The following ITPR2 variants were observed in gnomAD, a reference collection of about 807,000 sequenced individuals.
ITPR2 encodes the protein inositol 1,4,5-trisphosphate receptor type 2, also known as inositol 1,4,5-trisphosphate-gated calcium channel ITPR2.
In ITPR2, 207 loss-of-function variants were observed where a neutral mutation model predicts 317.1. The ratio of observed to expected loss-of-function variants is 0.65; its 90% CI spans 0.58 to 0.73. The LOEUF is 0.73. ITPR2 is among the 30% of genes least tolerant of loss of function. The pLI is 0.00. For missense variants in ITPR2, 2,613 were observed against 3,284.0 expected (o/e 0.80, Z 4.99); for synonymous variants, 1,156 against 1,149.1 (o/e 1.01, Z -0.12).
intron 45 of ITPR2, among the ~76,000 whole-genome samples, chr12:26,447,842 A>T (rs2136750395): frequency 6.6e-6 from 1 of 152,168 alleles, no homozygotes; most frequent in East Asian, 1.9e-4. Flanking sequence ...AATAGTTTTT[A>T]AAGGGTTTAG....
chr12:26,574,611 CT>C (rs1221636190), intron 34 of ITPR2, among the ~76,000 whole-genome samples: 2 of 152,098 alleles, frequency 1.3e-5, no homozygotes, highest in Non-Finnish European at 2.9e-5. Flanking sequence ...TCAGGCTGTT[CT>C]TGTGTTGCTA....
intron 2 of ITPR2, among the ~76,000 whole-genome samples, chr12:26,733,096 C>G (rs1336509709): frequency 6.6e-6 from 1 of 151,438 alleles, no homozygotes; most frequent in African/African-American, 2.4e-5. Flanking sequence ...CTTTGGGAGG[C>G]TGGGGTCAGG....
chr12:26,421,499 TCTC>T (rs1940888133), intron 49 of ITPR2: 2 of 152,222 alleles, frequency 1.3e-5, no homozygotes, highest in African/African-American at 4.8e-5. Flanking sequence ...AGCTGTGAAT[TCTC>T]CTTTCTTCAT....
At chr12:26,593,738 T>TG (rs146159318) in intron 32 of ITPR2, among the ~76,000 whole-genome samples, 263 of 37,416 alleles carry the variant, frequency 7.0e-3, no homozygotes, top group African/African-American at 0.023. Context: ...TATTTTTTTG[T>TG]TTTTTTTTTT....
intron 35 of ITPR2, among the ~76,000 whole-genome samples, 195 bp from the exon 36 acceptor site, chr12:26,556,570 G>GTGTT (rs1944669743): frequency 7.8e-6 from 1 of 128,134 alleles, no homozygotes; most frequent in Admixed American, 7.6e-5. Flanking sequence ...TTTTTTTTGT[G>GTGTT]TGTGTGTGTG....
intron 55 of ITPR2, among the ~76,000 whole-genome samples, chr12:26,372,880 C>CT (rs2136601903): frequency 6.6e-6 from 1 of 152,264 alleles, no homozygotes; most frequent in Non-Finnish European, 1.5e-5. Context: ...GTGGAAATTC[C>CT]TCGCGCCTCC....
chr12:26,715,159 T>C (rs973554970), intron 8 of ITPR2, 140 bp downstream of exon 8: 2 of 698,584 alleles, frequency 2.9e-6, no homozygotes, highest in East Asian at 5.5e-5. Flanking sequence ...CAGCAATGAA[T>C]AGGCACAAGT....
At chr12:26,673,337 T>C (rs1422186883) in intron 13 of ITPR2, among the ~76,000 whole-genome samples, 1 of 152,182 alleles carries the variant, frequency 6.6e-6, no homozygotes, top group African/African-American at 2.4e-5. Context: ...ATCAAAAAGC[T>C]TATCCACCAT....
At chr12:26,504,537 T>C (rs150390641) in intron 37 of ITPR2, among the ~76,000 whole-genome samples, 3 of 152,272 alleles carry the variant, frequency 2.0e-5, no homozygotes, top group East Asian at 1.9e-4. Flanking sequence ...GAAATGCTAA[T>C]AAAATGGTGG....
At chr12:26,484,992 G>A (rs1250218024) in intron 41 of ITPR2, among the ~76,000 whole-genome samples, 1 of 151,832 alleles carries the variant, frequency 6.6e-6, no homozygotes, top group East Asian at 1.9e-4. Context: ...TGGGATTACA[G>A]GCGTGAGCCA....
intron 34 of ITPR2, among the ~76,000 whole-genome samples, chr12:26,562,214 A>C (rs552210573): frequency 6.6e-6 from 1 of 152,320 alleles, no homozygotes; most frequent in Non-Finnish European, 1.5e-5. Context: ...ATACAGCATC[A>C]ATACAGAAAC....
At chr12:26,427,043 A>G (rs1318528678) in intron 49 of ITPR2, among the ~76,000 whole-genome samples, 1 of 152,072 alleles carries the variant, frequency 6.6e-6, no homozygotes, top group East Asian at 1.9e-4. Context: ...CTGAGTACCT[A>G]TAATGTTCTT....
chr12:26,790,361 T>G (rs1015208230), intron 1 of ITPR2, 134 bp from the exon 2 acceptor site: 3 of 657,792 alleles, frequency 4.6e-6, no homozygotes, highest in Non-Finnish European at 7.9e-6. Flanking sequence ...TTAACAATCA[T>G]GGGTCTGTAA....
intron 5 of ITPR2, among the ~76,000 whole-genome samples, chr12:26,719,774 C>T (rs1948802901): frequency 6.6e-6 from 1 of 152,122 alleles, no homozygotes. Flanking sequence ...CCACAACAGT[C>T]CCTGGTGGGC....
intron 21 of ITPR2, among the ~76,000 whole-genome samples, chr12:26,632,661 G>A (rs765203246): frequency 1.9e-4 from 29 of 152,120 alleles, no homozygotes; most frequent in Non-Finnish European, 1.0e-4. Flanking sequence ...CATCCAATTT[G>A]AATAGAAAAC....
intron 46 of ITPR2, among the ~76,000 whole-genome samples, chr12:26,443,301 A>G (rs532406516): frequency 9.2e-5 from 14 of 152,076 alleles, no homozygotes; most frequent in Non-Finnish European, 1.9e-4. Context: ...ACAGTTAAAA[A>G]ACATCTATTA....
chr12:26,514,419 A>T (rs922463373), intron 37 of ITPR2, among the ~76,000 whole-genome samples: 4 of 152,356 alleles, frequency 2.6e-5, no homozygotes, highest in Admixed American at 1.3e-4. Flanking sequence ...ATACAAAAAG[A>T]TATTCTGCTG....
At chr12:26,665,857 AT>A in intron 14 of ITPR2, 52 bp downstream of exon 14, 1 of 1,504,710 alleles carries the variant, frequency 6.6e-7, no homozygotes, top group Non-Finnish European at 9.1e-7. Context: ...GCCTTTCCTG[AT>A]ACTGTAATTC....
intron 32 of ITPR2, among the ~76,000 whole-genome samples, chr12:26,589,845 T>TAC (rs1466255148): frequency 6.8e-5 from 2 of 29,294 alleles, no homozygotes; most frequent in East Asian, 1.5e-3. Context: ...TATATATATA[T>TAC]ATATATATAC....
Sources: allele counts gnomAD v4.1 joint callset (sites outside exome capture counted in the v4.1 genomes callset), GRCh38; gene constraint gnomAD v4.1.1; transcripts MANE v1.5; gene names NCBI Gene and HGNC (gene_info 2026-07-23, HGNC 2026-07-21).